The following PSD3 variants were observed in gnomAD, a reference collection of about 807,000 sequenced individuals.
The protein encoded by PSD3 is PH and SEC7 domain-containing protein 3.
In PSD3, 49 loss-of-function variants were observed where a neutral mutation model predicts 105.5. That is an observed-to-expected ratio of 0.46 (90% confidence interval 0.37 to 0.59). The LOEUF is 0.59. Ranked by LOEUF, PSD3 falls within the 20% of genes least tolerant of loss-of-function variation. The pLI is 0.00. For missense variants in PSD3, 1,561 were observed against 1,263.8 expected, an observed-to-expected ratio of 1.24 and a Z score of -3.57; for synonymous variants, 557 against 457.8, an observed-to-expected ratio of 1.22 and a Z score of -2.77.
chr8:18,629,162 G>C (rs1181106982), intron 11 of PSD3, among the ~76,000 whole-genome samples: 1 of 151,904 alleles, frequency 6.6e-6, no homozygotes, highest in Non-Finnish European at 1.5e-5. Context: ...ATTAGACAAA[G>C]TAGACTCCAA....
chr8:18,560,211 A>ACAC lies in PSD3; in HGVS notation c.2785-3860_2785-3859insGTG, dbSNP rs1563322125. On this transcript the variant is annotated intron_variant, in intron 14 of 15. Transcript: ENST00000327040. ...ACACACACACACACACACACACACAAACAAAAAAACAACAACAGCAACAAC... is the reference window on the plus strand; with the variant it reads ...ACACACACACACACACACACACACAACACACAAAAAAACAACAACAGCAACAAC... Among the ~76,000 whole-genome samples, 68 of 130,428 alleles carry ACAC rather than the reference A, an allele frequency of 5.2e-4. 1 individual carries two copies. Among genetic ancestry groups the ACAC allele is most frequent in the African/African-American group, 2.0e-3 (67 of 32,858 alleles). 85.6% of individuals were successfully genotyped at this position (130,428 alleles called of 152,430 possible).
At chr8:18,804,494 G>A in intron 6 of PSD3, 28 bp downstream of exon 6, 1 of 1,538,744 alleles carries the variant, frequency 6.5e-7, no homozygotes, top group Non-Finnish European at 8.9e-7. Context: ...TGAAAGCAAT[G>A]ACGAGCAGCA....
At chr8:18,679,407 C>T (rs1035104207) in intron 9 of PSD3, among the ~76,000 whole-genome samples, 3 of 152,206 alleles carry the variant, frequency 2.0e-5, no homozygotes, top group African/African-American at 2.4e-5. Flanking sequence ...AGGCACTTAG[C>T]AGAGCAGAGG....
intron 1 of PSD3, among the ~76,000 whole-genome samples, chr8:19,002,980 C>G (rs1478244848): frequency 6.6e-6 from 1 of 152,028 alleles, no homozygotes. Flanking sequence ...TAAGTATAAC[C>G]TACCATCCAG....
chr8:18,556,916 G>T (rs1299274386), intron 14 of PSD3, among the ~76,000 whole-genome samples: 1 of 152,204 alleles, frequency 6.6e-6, no homozygotes, highest in Non-Finnish European at 1.5e-5. Flanking sequence ...AAGCAGCAGA[G>T]TTCTTAGTTC....
chr8:18,580,298 A>G (rs1404287609), intron 12 of PSD3, among the ~76,000 whole-genome samples: 10 of 152,156 alleles, frequency 6.6e-5, no homozygotes, highest in Admixed American at 6.5e-4. Context: ...CATCAGCTCC[A>G]GACTGATTGC....
intron 1 of PSD3, among the ~76,000 whole-genome samples, chr8:19,046,409 G>T (rs933287737): frequency 2.0e-5 from 3 of 151,956 alleles, no homozygotes; most frequent in African/African-American, 7.2e-5. Context: ...GTGCCTGGCC[G>T]GTAACTAGAT....
At chr8:18,950,148 C>A (rs1823149114) in intron 1 of PSD3, among the ~76,000 whole-genome samples, 1 of 152,194 alleles carries the variant, frequency 6.6e-6, no homozygotes, top group South Asian at 2.1e-4. Flanking sequence ...CCCATTATAC[C>A]TTTTTAACTT....
chr8:18,754,186 T>C (rs986495442), intron 9 of PSD3, among the ~76,000 whole-genome samples: 2 of 152,086 alleles, frequency 1.3e-5, no homozygotes, highest in African/African-American at 4.8e-5. Context: ...GAGTTCCGGA[T>C]CAGCCTGACC....
chr8:18,751,161 G>A (rs1039240614), intron 9 of PSD3, among the ~76,000 whole-genome samples: 1 of 152,142 alleles, frequency 6.6e-6, no homozygotes, highest in African/African-American at 2.4e-5. Flanking sequence ...CAGGCATGGC[G>A]GGCTGCAGGT....
chr8:18,876,418 A>C (rs1490164482), intron 2 of PSD3, among the ~76,000 whole-genome samples: 1 of 151,626 alleles, frequency 6.6e-6, no homozygotes, highest in Non-Finnish European at 1.5e-5. Flanking sequence ...ACAGGGTCTC[A>C]CTCTGTCACC....
intron 1 of PSD3, among the ~76,000 whole-genome samples, chr8:18,955,510 T>G (rs1823512812): frequency 1.3e-5 from 2 of 152,224 alleles, no homozygotes; most frequent in African/African-American, 4.8e-5. Flanking sequence ...AATTATTCAT[T>G]TATCAATTTT....
intron 4 of PSD3, among the ~76,000 whole-genome samples, chr8:18,831,357 A>G (rs1244983931): frequency 6.6e-6 from 1 of 152,230 alleles, no homozygotes; most frequent in Non-Finnish European, 1.5e-5. Context: ...TTAGTCATAT[A>G]GTAATTTCAC....
At chr8:18,543,550 G>A (rs1270985914) in intron 15 of PSD3, among the ~76,000 whole-genome samples, 6 of 151,856 alleles carry the variant, frequency 4.0e-5, no homozygotes, top group African/African-American at 9.7e-5. Flanking sequence ...CCCAGGAGGC[G>A]GAGCTTGTAG....
chr8:18,711,961 G>A (rs1563191031), intron 9 of PSD3, among the ~76,000 whole-genome samples: 1 of 152,092 alleles, frequency 6.6e-6, no homozygotes, highest in Non-Finnish European at 1.5e-5. Context: ...CAGAAATCAA[G>A]ATTAAGAAAC....
chr8:18,655,852 T>C (rs563039215), intron 9 of PSD3, among the ~76,000 whole-genome samples, 167 bp from the exon 10 acceptor site: 80 of 152,318 alleles, frequency 5.3e-4, no homozygotes, highest in African/African-American at 1.7e-3. Flanking sequence ...CAAATGAGCA[T>C]TGGGTGAACA....
chr8:18,633,564 T>C (rs1277751968), intron 10 of PSD3, among the ~76,000 whole-genome samples: 2 of 152,146 alleles, frequency 1.3e-5, no homozygotes, highest in African/African-American at 2.4e-5. Flanking sequence ...TTCAGCTGCA[T>C]CCATGCCGCT....
intron 2 of PSD3, among the ~76,000 whole-genome samples, chr8:18,893,768 G>C (rs572735419): frequency 2.0e-4 from 31 of 152,260 alleles, no homozygotes; most frequent in African/African-American, 7.2e-4. Flanking sequence ...CAGGGTAAAG[G>C]ATTTCTTTTA....
chr8:18,752,687 A>G (rs1253924051), intron 9 of PSD3, among the ~76,000 whole-genome samples: 1 of 121,088 alleles, frequency 8.3e-6, no homozygotes. Context: ...ATATATAATC[A>G]TATATGATAT....
Sources: allele counts gnomAD v4.1 joint callset (sites outside exome capture counted in the v4.1 genomes callset), GRCh38; gene constraint gnomAD v4.1.1; transcripts MANE v1.5; gene names NCBI Gene and HGNC (gene_info 2026-07-23, HGNC 2026-07-21).